The following EYS variants were observed in gnomAD, a reference collection of about 807,000 sequenced individuals.
EYS encodes protein eyes shut homolog.
In EYS, 250 loss-of-function variants were observed where a neutral mutation model predicts 282.1. The observed-to-expected ratio is 0.89, with a 90% CI of 0.80 to 0.98. EYS has a LOEUF of 0.98. Among genes scored for constraint, EYS ranks in the 50% least tolerant of loss-of-function variants. The pLI is 0.00. For missense variants in EYS, 4,016 were observed against 3,709.0 expected (o/e 1.08, Z -2.15); for synonymous variants, 1,355 against 1,282.9 (o/e 1.06, Z -1.20).
chr6:65,519,686 C>CTA (rs1158150622), intron 2 of EYS, among the ~76,000 whole-genome samples: 1,452 of 39,722 alleles, frequency 0.037, 136 homozygotes, highest in Middle Eastern at 0.065. Flanking sequence ...ACTATAATAA[C>CTA]TATATATATA....
chr6:65,010,517 G>A (rs1299411859), intron 13 of EYS, among the ~76,000 whole-genome samples: 2 of 152,286 alleles, frequency 1.3e-5, no homozygotes, highest in African/African-American at 2.4e-5. Context: ...TCAAACATAC[G>A]CCACTTGAGG....
chr6:65,527,308 T>C (rs1394230572), intron 2 of EYS, among the ~76,000 whole-genome samples: 1 of 152,188 alleles, frequency 6.6e-6, no homozygotes, highest in Admixed American at 6.5e-5. Context: ...GACTAATTAA[T>C]GGTAGAGAAA....
chr6:64,228,527 G>C (rs925964781), intron 31 of EYS, among the ~76,000 whole-genome samples: 3 of 152,098 alleles, frequency 2.0e-5, no homozygotes, highest in African/African-American at 7.2e-5. Context: ...CATAGTGTCT[G>C]ATTATCATGT....
chr6:65,642,438 C>A (rs1342564759), intron 1 of EYS, among the ~76,000 whole-genome samples: 1 of 152,074 alleles, frequency 6.6e-6, no homozygotes, highest in Non-Finnish European at 1.5e-5. Flanking sequence ...CATTACTTGT[C>A]CTCAGTCACA....
chr6:64,506,908 T>TAAAAAAAAAAAAAAAAA lies in EYS; in HGVS notation c.5645-67573_5645-67557dup, dbSNP rs530521158. Among the ~76,000 whole-genome samples the TAAAAAAAAAAAAAAAAA allele has an allele frequency of 1.4e-3, 140 of 97,590 alleles. 3 individuals carry two copies. The highest frequency in any genetic ancestry group is 7.6e-3 in the East Asian group (23 of 3,028). The allele number at this position is 97,590 out of a possible 152,430, so 64.0% of individuals were successfully genotyped here. On this transcript the variant is annotated intron_variant, in intron 26 of 42. Transcript: ENST00000503581. ...TGGGCGATAAAGCGAGGCTGTGTCTTAAAAAAAAAAAAAAAAACTGACTTA... is the reference window on the plus strand; with the variant it reads ...TGGGCGATAAAGCGAGGCTGTGTCTTAAAAAAAAAAAAAAAAAAAAAAAAAAAAAAAAAACTGACTTA...
At chr6:63,811,737 T>C (rs777470797) in intron 36 of EYS, among the ~76,000 whole-genome samples, 8 of 152,178 alleles carry the variant, frequency 5.3e-5, no homozygotes, top group Admixed American at 2.0e-4. Flanking sequence ...CCACTATTTG[T>C]ATTCTTTCCC....
At chr6:65,149,804 A>T (rs1764567846) in intron 12 of EYS, among the ~76,000 whole-genome samples, 1 of 152,070 alleles carries the variant, frequency 6.6e-6, no homozygotes, top group Non-Finnish European at 1.5e-5. Flanking sequence ...TATTTATTGC[A>T]CTAGTTTGTT....
chr6:65,491,008 T>A (rs959304806), intron 4 of EYS, among the ~76,000 whole-genome samples: 1 of 152,082 alleles, frequency 6.6e-6, no homozygotes, highest in African/African-American at 2.4e-5. Context: ...TGATAGATAA[T>A]ATTCATATAT....
intron 2 of EYS, among the ~76,000 whole-genome samples, chr6:65,556,929 A>T (rs1290515567): frequency 1.3e-5 from 2 of 152,210 alleles, no homozygotes; most frequent in Non-Finnish European, 2.9e-5. Flanking sequence ...TAAAAGTAGA[A>T]AACAAATACC....
intron 8 of EYS, among the ~76,000 whole-genome samples, chr6:65,369,148 A>T (rs1274528018): frequency 6.6e-6 from 1 of 150,456 alleles, no homozygotes; most frequent in East Asian, 1.9e-4. Context: ...AGAGGAAAAA[A>T]ATCAAGCAAA....
chr6:65,220,101 C>G (rs577048945), intron 12 of EYS, among the ~76,000 whole-genome samples: 1 of 152,080 alleles, frequency 6.6e-6, no homozygotes, highest in Non-Finnish European at 1.5e-5. Context: ...TTGGGAAAAC[C>G]TCTCTGCAAA....
intron 12 of EYS, among the ~76,000 whole-genome samples, chr6:65,252,740 A>G (rs555992033): frequency 1.3e-5 from 2 of 152,142 alleles, no homozygotes; most frequent in East Asian, 3.9e-4. Context: ...GGAAAAATAC[A>G]AAGTCTCAGC....
intron 29 of EYS, among the ~76,000 whole-genome samples, chr6:64,351,048 T>C (rs774988692): frequency 2.7e-5 from 4 of 145,840 alleles, no homozygotes; most frequent in Non-Finnish European, 6.0e-5. Flanking sequence ...CATGTGAAAC[T>C]ATGAGTCAAT....
At chr6:65,638,401 C>T (rs1474945470) in intron 2 of EYS, among the ~76,000 whole-genome samples, 1 of 152,166 alleles carries the variant, frequency 6.6e-6, no homozygotes, top group East Asian at 1.9e-4. Flanking sequence ...AGGGCTGAAA[C>T]TCCCCCCGAT....
chr6:64,535,633 G>T (rs1470703696), intron 26 of EYS, among the ~76,000 whole-genome samples: 1 of 151,870 alleles, frequency 6.6e-6, no homozygotes, highest in Non-Finnish European at 1.5e-5. Flanking sequence ...CCAGCTACTT[G>T]GGAGGCTGAG....
chr6:63,827,764 A>G (rs1182822559), intron 36 of EYS, among the ~76,000 whole-genome samples: 1 of 150,798 alleles, frequency 6.6e-6, no homozygotes, highest in Admixed American at 6.6e-5. Context: ...GAATGGCGTG[A>G]ACCCGGGAAG....
intron 19 of EYS, among the ~76,000 whole-genome samples, chr6:64,843,706 A>T (rs9345553): frequency 0.094 from 14,323 of 152,088 alleles, 868 homozygotes; most frequent in East Asian, 0.32. Context: ...CTTGTTTCAG[A>T]TGAGACTTTG....
At chr6:65,608,719 C>A (rs1485902451) in intron 2 of EYS, among the ~76,000 whole-genome samples, 1 of 151,876 alleles carries the variant, frequency 6.6e-6, no homozygotes, top group East Asian at 1.9e-4. Flanking sequence ...TCCTTTATAT[C>A]CTTACTATAT....
intron 31 of EYS, among the ~76,000 whole-genome samples, chr6:64,106,816 T>C (rs1247025395): frequency 2.0e-5 from 3 of 152,070 alleles, no homozygotes; most frequent in African/African-American, 2.4e-5. Context: ...ATATGTGTTA[T>C]ACCTTTTGTA....
Sources: gnomAD v4.1 joint callset for allele counts (sites outside exome capture counted in the v4.1 genomes callset) on GRCh38, gnomAD v4.1.1 for gene constraint, MANE v1.5 for transcripts, NCBI Gene and HGNC (gene_info 2026-07-23, HGNC 2026-07-21) for gene names.